AUTS2: variants seen among roughly 807,000 people sequenced by gnomAD.
AUTS2 encodes the protein autism susceptibility gene 2 protein.
Under a neutral mutation model 112.4 loss-of-function variants are expected in AUTS2, and 17 were observed. The ratio of observed to expected loss-of-function variants is 0.15; its 90% confidence interval spans 0.10 to 0.23. AUTS2 has a LOEUF of 0.23. Ranked by LOEUF, AUTS2 falls within the 10% of genes least tolerant of loss-of-function variation. The pLI, the probability that AUTS2 is intolerant of heterozygous loss-of-function variation, is 1.00. For synonymous variants in AUTS2, 751 were observed against 702.7 expected, an observed-to-expected ratio of 1.07 and a Z score of -1.09; for missense variants, 1,510 against 1,701.6, an observed-to-expected ratio of 0.89 and a Z score of 1.98.
chr7:70,787,315 C>T lies in AUTS2; in HGVS notation c.2415C>T (p.Thr805=). 6.2e-7 allele frequency: 1 copy of T among 1,614,202 alleles called. No individual in the cohort carries two copies. Among genetic ancestry groups the T allele is most frequent in the Non-Finnish European group, 8.5e-7 (1 of 1,180,008 alleles). The change falls in exon 18 of 19, where the codon ACC becomes ACT. Residue 805 remains threonine (T), a synonymous_variant. Transcript: ENST00000342771. ...RLHRTPPSFP[T]PPPWLKPGEL... ...ACCGAACGCCTCCGTCGTTCCCGAC[C>T]CCTCCGCCCTGGCTGAAGCCAGGGG...
At chr7:70,683,035 C>T (rs1808289178) in intron 5 of AUTS2, among the ~76,000 whole-genome samples, 1 of 152,232 alleles carries the variant, frequency 6.6e-6, no homozygotes, top group Admixed American at 6.5e-5. Flanking sequence ...AAAACAGTCA[C>T]ACGTCAGTCA....
intron 2 of AUTS2, among the ~76,000 whole-genome samples, chr7:70,006,819 A>G (rs1454947689): frequency 6.6e-6 from 1 of 152,172 alleles, no homozygotes; most frequent in African/African-American, 2.4e-5. Context: ...AATGCTGTGC[A>G]CAAGCCCCAT....
At chr7:70,265,654 A>T (rs745930954) in intron 4 of AUTS2, among the ~76,000 whole-genome samples, 3 of 152,200 alleles carry the variant, frequency 2.0e-5, no homozygotes, top group Admixed American at 6.6e-5. Context: ...AGCAGGTGGA[A>T]GGAGGGGAAT....
intron 2 of AUTS2, among the ~76,000 whole-genome samples, chr7:70,054,546 C>T (rs1417948945): frequency 6.6e-6 from 1 of 152,094 alleles, no homozygotes; most frequent in Non-Finnish European, 1.5e-5. Flanking sequence ...CCAAAAGCTC[C>T]TGATATACTG....
intron 5 of AUTS2, among the ~76,000 whole-genome samples, chr7:70,448,930 G>C (rs544614683): frequency 6.6e-6 from 1 of 152,138 alleles, no homozygotes; most frequent in Admixed American, 6.5e-5. Flanking sequence ...CCACCCTTCC[G>C]TATGAAGAGA....
chr7:70,020,797 C>T (rs1257882057), intron 2 of AUTS2, among the ~76,000 whole-genome samples: 1 of 152,088 alleles, frequency 6.6e-6, no homozygotes, highest in African/African-American at 2.4e-5. Flanking sequence ...GATTCTCCCA[C>T]CTTAGCCTCC....
Position 70,623,915 on chromosome 7 carries a change from C to T in AUTS2, c.691-74654C>T, listed in dbSNP as rs77006618. ...TCTGATGAACTGCCGTTCTCCAGCTCTTCCCTGAAATGGCAAGGAAAAGTG... is the reference window on the plus strand; with the variant it reads ...TCTGATGAACTGCCGTTCTCCAGCTTTTCCCTGAAATGGCAAGGAAAAGTG... On this transcript the variant is annotated intron_variant, in intron 5 of 18. Transcript: ENST00000342771. Among the ~76,000 whole-genome samples, 493 of 152,302 alleles carry T rather than the reference C, an allele frequency of 3.2e-3. 10 individuals carry two copies. In the East Asian group the frequency reaches 0.049, roughly 15 times the overall value.
intron 1 of AUTS2, among the ~76,000 whole-genome samples, chr7:69,889,100 C>G (rs2129538742): frequency 6.6e-6 from 1 of 152,198 alleles, no homozygotes; most frequent in Middle Eastern, 3.4e-3. Context: ...TGGGCTCTTG[C>G]TTTGTTGCCT....
Position 70,487,603 on chromosome 7 carries a change from G to A in AUTS2, c.690+51822G>A, listed in dbSNP as rs186008254. Among the ~76,000 whole-genome samples, 30 of 152,308 alleles carry A rather than the reference G, an allele frequency of 2.0e-4. 1 individual carries two copies. In the South Asian group the frequency reaches 3.1e-3, roughly 16 times the overall value. On this transcript the variant is annotated intron_variant, in intron 5 of 18. Coordinates refer to ENST00000342771, the MANE Select transcript of AUTS2 (RefSeq NM_015570.4). Reference sequence around the variant, plus strand: ...AATTGGGAGAGGGAAATGAGTTAGCGAGCTGGGGCCGGTTTTGATGAGAGT... The same window carrying A: ...AATTGGGAGAGGGAAATGAGTTAGCAAGCTGGGGCCGGTTTTGATGAGAGT...
intron 2 of AUTS2, among the ~76,000 whole-genome samples, chr7:70,025,777 C>CA (rs1800492199): frequency 7.9e-6 from 1 of 126,628 alleles, no homozygotes; most frequent in African/African-American, 3.0e-5. Flanking sequence ...TTTTACTAAG[C>CA]TTTTTTTTTT....
At chr7:70,054,190 A>G (rs531883882) in intron 2 of AUTS2, among the ~76,000 whole-genome samples, 1 of 152,326 alleles carries the variant, frequency 6.6e-6, no homozygotes, top group Admixed American at 6.5e-5. Context: ...AAATTTGCAT[A>G]GCCATGTGTA....
intron 1 of AUTS2, among the ~76,000 whole-genome samples, chr7:69,613,153 A>C (rs1264516651): frequency 6.6e-6 from 1 of 152,224 alleles, no homozygotes; most frequent in Non-Finnish European, 1.5e-5. Flanking sequence ...TTTTTGCCTG[A>C]CTTGAAAGCT....
Position 70,763,242 on chromosome 7 carries a change from A to G in AUTS2, c.1115A>G (p.His372Arg). 6.2e-7 allele frequency: 1 copy of G among 1,614,008 alleles called. No individual in the cohort carries two copies. The highest frequency in any genetic ancestry group is 8.5e-7 in the Non-Finnish European group (1 of 1,179,968). Residue 372 changes from histidine to arginine, a missense_variant, in exon 7 of 19, where the codon CAT (histidine) becomes CGT (arginine). This residue lies in a region of AUTS2 where 535 missense variants were observed against 594.3 expected (regional missense o/e 0.90). Transcript: ENST00000342771. ...CCACAGTCCCCCACCCAGCTGCTCC[A>G]TCAGAACCTCCCACCTGTGCAGGCC... is the stretch of plus-strand genomic sequence containing the variant. The part of the protein sequence containing the change: ...PRPQSPTQLL[H>R]QNLPPVQAHP...
chr7:70,542,688 G>A (rs1030017111), intron 5 of AUTS2, among the ~76,000 whole-genome samples: 4 of 152,178 alleles, frequency 2.6e-5, no homozygotes, highest in Non-Finnish European at 2.9e-5. Flanking sequence ...TGAAGTCAGT[G>A]GGGAAATATT....
intron 2 of AUTS2, among the ~76,000 whole-genome samples, chr7:70,115,224 T>G (rs954846581): frequency 3.9e-5 from 6 of 152,202 alleles, no homozygotes; most frequent in Non-Finnish European, 5.9e-5. Context: ...AAGGCCCAGG[T>G]GCAATGTCCA....
At chr7:70,662,282 C>T (rs946787090) in intron 5 of AUTS2, among the ~76,000 whole-genome samples, 2 of 152,232 alleles carry the variant, frequency 1.3e-5, no homozygotes, top group Admixed American at 1.3e-4. Context: ...TAGGTAGACT[C>T]GTAAGACGGG....
chr7:69,828,800 A>G (rs1390056107), intron 1 of AUTS2, among the ~76,000 whole-genome samples: 1 of 152,194 alleles, frequency 6.6e-6, no homozygotes, highest in African/African-American at 2.4e-5. Context: ...TGAGGATGAA[A>G]AACAGCCATT....
chr7:70,383,302 T>C (rs1049618455), intron 4 of AUTS2, among the ~76,000 whole-genome samples: 8 of 152,180 alleles, frequency 5.3e-5, no homozygotes, highest in African/African-American at 1.7e-4. Context: ...TTGTGACTTA[T>C]CACTCCATGC....
At chr7:70,056,610 A>C (rs1219827555) in intron 2 of AUTS2, among the ~76,000 whole-genome samples, 1 of 152,214 alleles carries the variant, frequency 6.6e-6, no homozygotes, top group East Asian at 1.9e-4. Context: ...TTGGGCAGGC[A>C]GTGTTAGTAG....
Sources: gnomAD v4.1 joint callset for allele counts (sites outside exome capture counted in the v4.1 genomes callset) on GRCh38, gnomAD v4.1.1 for gene constraint, gnomAD v4.1.1 regional missense constraint, MANE v1.5 for transcripts, NCBI Gene and HGNC (gene_info 2026-07-23, HGNC 2026-07-21) for gene names.